The following UBE2L3 variants were observed in gnomAD, a reference collection of about 807,000 sequenced individuals.
The protein encoded by UBE2L3 is ubiquitin conjugating enzyme E2 L3.
UBE2L3 carries 1 observed loss-of-function variant against 17.8 expected under a neutral mutation model. The ratio of observed to expected loss-of-function variants is 0.06; its 90% CI spans 0.02 to 0.27. UBE2L3 has a LOEUF of 0.27. UBE2L3 is among the 10% of genes least tolerant of loss of function. The pLI, the probability that UBE2L3 is intolerant of heterozygous loss-of-function variation, is 1.00. For synonymous variants in UBE2L3, 44 were observed against 68.5 expected, an observed-to-expected ratio of 0.64 and a Z score of 1.76; for missense variants, 40 against 192.6, an observed-to-expected ratio of 0.21 and a Z score of 4.69.
At chr22:21,559,274 G>A (rs1483748299) in intron 1 of UBE2L3, among the ~76,000 whole-genome samples, 1 of 151,970 alleles carries the variant, frequency 6.6e-6, no homozygotes, top group African/African-American at 2.4e-5. Flanking sequence ...CTTTAACCTA[G>A]GAAGTGGAGG....
rs555208824 is a variant in UBE2L3 at position 21,606,543 on chromosome 22, A to G, written c.124-4314A>G. On this transcript the variant is annotated intron_variant, in intron 2 of 3. Coordinates refer to ENST00000342192, the MANE Select transcript of UBE2L3 (RefSeq NM_003347.4). Reference sequence around the variant, plus strand: ...CTTACTTCCCCCCACCACCACCACCATTTAATTCTCCTCTTGAAAACTAAA... The same window carrying G: ...CTTACTTCCCCCCACCACCACCACCGTTTAATTCTCCTCTTGAAAACTAAA... 3.9e-5 allele frequency among the ~76,000 whole-genome samples: 6 copies of G among 152,294 alleles called. No individual in the cohort carries two copies. The South Asian group carries it at 1.2e-3, about 32-fold the overall frequency.
chr22:21,565,754 CAAAAAAAAAAAAAAA>C (rs131662), upstream of UBE2L3, among the ~76,000 whole-genome samples: 12 of 30,284 alleles, frequency 4.0e-4, 1 homozygote, highest in East Asian at 0.017. Flanking sequence ...AACTGTGTCT[CAAAAAAAAAAAAAAA>C]AAAAAAAAAA....
chr22:21,586,090 C>T (rs766159709), intron 1 of UBE2L3, among the ~76,000 whole-genome samples: 4 of 151,956 alleles, frequency 2.6e-5, no homozygotes, highest in Non-Finnish European at 5.9e-5. Flanking sequence ...CATACATCAA[C>T]ACACCTGGCT....
chr22:21,566,189 T>C (rs1365324458), upstream of UBE2L3, among the ~76,000 whole-genome samples: 1 of 151,624 alleles, frequency 6.6e-6, no homozygotes, highest in Non-Finnish European at 1.5e-5. Context: ...GTCAGGGTGG[T>C]CTCAAACTCC....
At chr22:21,619,828 A>G (rs1310379665) in intron 3 of UBE2L3, among the ~76,000 whole-genome samples, 1 of 151,786 alleles carries the variant, frequency 6.6e-6, no homozygotes, top group East Asian at 1.9e-4. Flanking sequence ...AGTAGCTGGG[A>G]CTCTAGGCAT....
rs1364658849 is a variant in UBE2L3, at chr22:21,561,463, T to G, written c.201+11813T>G. On this transcript the variant is annotated intron_variant, in intron 1 of 3. Transcript: ENST00000458578. ...CAGGCATGGAGGTGTGCACCTGTAG[T>G]TCTAGCTGCTTGAGAGTCTGAAGTG... Among the ~76,000 whole-genome samples the G allele has an allele frequency of 2.0e-5, 3 of 152,414 alleles. No homozygotes were observed. The East Asian group carries it at 5.8e-4, about 29-fold the overall frequency.
intron 1 of UBE2L3, among the ~76,000 whole-genome samples, chr22:21,583,765 T>C (rs1927772275): frequency 6.6e-6 from 1 of 152,082 alleles, no homozygotes; most frequent in African/African-American, 2.4e-5. Flanking sequence ...CATTAAAGAG[T>C]TTGGCACTGA....
intron 2 of UBE2L3, among the ~76,000 whole-genome samples, chr22:21,600,677 C>A (rs1044778264): frequency 1.3e-5 from 2 of 152,162 alleles, no homozygotes; most frequent in Admixed American, 1.3e-4. Flanking sequence ...GCCTGGGCGA[C>A]AGAGTGAGAC....
intron 2 of UBE2L3, among the ~76,000 whole-genome samples, chr22:21,607,479 C>T (rs868523135): frequency 1.2e-4 from 17 of 147,670 alleles, no homozygotes; most frequent in Admixed American, 2.1e-4. Flanking sequence ...CGCGCCACTG[C>T]ACTCCAGCCT....
chr22:21,556,375 A>T (rs1448231487), intron 1 of UBE2L3, among the ~76,000 whole-genome samples: 23 of 152,392 alleles, frequency 1.5e-4, no homozygotes, highest in Middle Eastern at 3.4e-3. Flanking sequence ...AGCCTGGGCT[A>T]CAAAGAGACT....
chr22:21,558,314 A>T (rs1022794926), intron 1 of UBE2L3, among the ~76,000 whole-genome samples: 9 of 152,068 alleles, frequency 5.9e-5, no homozygotes, highest in African/African-American at 1.9e-4. Flanking sequence ...TTTTCATTCC[A>T]TATCCTTTAT....
intron 1 of UBE2L3, among the ~76,000 whole-genome samples, chr22:21,592,337 C>T (rs1326275416): frequency 6.7e-6 from 1 of 148,920 alleles, no homozygotes; most frequent in Non-Finnish European, 1.5e-5. Context: ...TGGAGTCCTT[C>T]TGAAATCACA....
At chr22:21,578,295 G>T (rs1383766621) in intron 1 of UBE2L3, among the ~76,000 whole-genome samples, 1 of 151,696 alleles carries the variant, frequency 6.6e-6, no homozygotes, top group South Asian at 2.1e-4. Context: ...GGGAGTCGGA[G>T]CTTGTAGTGA....
At chr22:21,564,409 T>G (rs1450769677), upstream of UBE2L3, among the ~76,000 whole-genome samples, 1 of 152,012 alleles carries the variant, frequency 6.6e-6, no homozygotes, top group Non-Finnish European at 1.5e-5. Flanking sequence ...GTGGAGGGGA[T>G]CGGGTATGAC....
chr22:21,562,024 C>T (rs1281071817), intron 1 of UBE2L3, among the ~76,000 whole-genome samples: 1 of 152,076 alleles, frequency 6.6e-6, no homozygotes, highest in African/African-American at 2.4e-5. Context: ...GTCCTCTTGC[C>T]TACTGGGGAA....
chr22:21,594,351 A>C (rs956638823), intron 2 of UBE2L3, among the ~76,000 whole-genome samples: 1 of 146,992 alleles, frequency 6.8e-6, no homozygotes, highest in Admixed American at 6.8e-5. Context: ...CCTGTAGATG[A>C]TTTCTCCCTG....
At chr22:21,575,286 AAAAG>A (rs1297399380) in intron 1 of UBE2L3, among the ~76,000 whole-genome samples, 21 of 150,246 alleles carry the variant, frequency 1.4e-4, no homozygotes, top group Non-Finnish European at 1.5e-5. Context: ...AAGAAAAGGA[AAAAG>A]AAAAATGTTT....
chr22:21,568,378 G>C, intron 1 of UBE2L3: 1 of 985,492 alleles, frequency 1.0e-6, no homozygotes, highest in South Asian at 4.7e-5. Flanking sequence ...CACACAGCGG[G>C]TAAGTTCCAA....
In UBE2L3 at chr22:21,568,002, GC is replaced by G. The variant is rs576499922; in HGVS notation, c.27+234del. Reference sequence around the variant, plus strand: ...GAGCCGCTGTCGGCCCCTCAGCCCGGCCCGGGGCGTTCACGCCACTCTCCGC... The same window carrying G: ...GAGCCGCTGTCGGCCCCTCAGCCCGGCCGGGGCGTTCACGCCACTCTCCGC... On this transcript the variant is annotated intron_variant, in intron 1 of 3. Coordinates refer to ENST00000342192, the MANE Select transcript of UBE2L3 (RefSeq NM_003347.4). The G allele has an allele frequency of 1.3e-4, 176 of 1,341,984 alleles. 4 individuals are homozygous for G. In the South Asian group the frequency reaches 3.1e-3, roughly 24 times the overall value. 83.1% of individuals were successfully genotyped at this position (1,341,984 alleles called of 1,614,324 possible).
Sources: allele counts gnomAD v4.1 joint callset (sites outside exome capture counted in the v4.1 genomes callset), GRCh38; gene constraint gnomAD v4.1.1; transcripts MANE v1.5; gene names NCBI Gene and HGNC (gene_info 2026-07-23, HGNC 2026-07-21).